The following MYEF2 variants were observed in gnomAD, a reference collection of about 807,000 sequenced individuals.
MYEF2 encodes the protein myelin expression factor 2.
In MYEF2, 37 loss-of-function variants were observed where a neutral mutation model predicts 75.2. The ratio of observed to expected loss-of-function variants is 0.49; its 90% CI spans 0.38 to 0.65. MYEF2 has a LOEUF of 0.65. MYEF2 is among the 30% of genes least tolerant of loss of function. MYEF2 has a pLI of 0.00. For missense variants in MYEF2, 634 were observed against 771.4 expected (o/e 0.82, Z 2.11); for synonymous variants, 195 against 241.6 (o/e 0.81, Z 1.79).
intron 9 of MYEF2, 62 bp from the exon 10 acceptor site, chr15:48,153,955 A>C (rs1304997061): frequency 3.5e-6 from 5 of 1,418,568 alleles, no homozygotes; most frequent in Admixed American, 2.1e-5. Flanking sequence ...ATTGGCAATA[A>C]AATTTTTTAA....
rs1349013579 is a variant in MYEF2 at position 48,142,882 on chromosome 15, A to G, written c.*26T>C. On this transcript the variant is annotated 3_prime_UTR_variant, in exon 17 of 17. Coordinates refer to ENST00000324324, the MANE Select transcript of MYEF2 (RefSeq NM_016132.5). Reference sequence around the variant, plus strand: ...CTAGGAGATTCAGCAAAACAGATGTAGGAATGTTCCAACCATGGCTTGAAA... The same window carrying G: ...CTAGGAGATTCAGCAAAACAGATGTGGGAATGTTCCAACCATGGCTTGAAA... 53 of 1,574,082 alleles carry G rather than the reference A, an allele frequency of 3.4e-5. No individual in the cohort carries two copies. The highest frequency in any genetic ancestry group is 4.5e-5 in the Non-Finnish European group (52 of 1,163,040).
At chr15:48,152,663 T>C (rs1021455809) in intron 10 of MYEF2, 1 of 189,042 alleles carries the variant, frequency 5.3e-6, no homozygotes, top group Non-Finnish European at 1.1e-5. Context: ...GATTTAGAGA[T>C]CAGGCCAGAA....
At chr15:48,146,604 C>G (rs1234390296) in intron 16 of MYEF2, among the ~76,000 whole-genome samples, 2 of 151,802 alleles carry the variant, frequency 1.3e-5, no homozygotes, top group Non-Finnish European at 2.9e-5. Flanking sequence ...GAGGGGGTTG[C>G]CAGTGGCACC....
At position 48,178,147 on chromosome 15, in the gene MYEF2, G is replaced by C; in HGVS notation, c.91C>G (p.Arg31Gly). 1 of 1,569,832 alleles carries C rather than the reference G, an allele frequency of 6.4e-7. No individual in the cohort carries two copies. Among genetic ancestry groups the C allele is most frequent in the Non-Finnish European group, 8.6e-7 (1 of 1,158,770 alleles). ...QPAEPPGEPR[R>G]EPHPAEAEKQ... ...TCCGCCTCCGCGGGGTGCGGCTCTC[G>C]CCGCGGCTCGCCCGGCGGCTCTGCG... The change falls in exon 1 of 17, where the codon CGA becomes GGA. Residue 31 changes from arginine to glycine, a missense_variant. Transcript: ENST00000324324.
chr15:48,169,009 G>A (rs1244293267), intron 1 of MYEF2, among the ~76,000 whole-genome samples, 170 bp from the exon 2 acceptor site: 2 of 152,156 alleles, frequency 1.3e-5, no homozygotes, highest in Admixed American at 6.5e-5. Flanking sequence ...ATTACCCAAT[G>A]CTATTTCAAA....
chr15:48,149,992 G>A lies in MYEF2; in HGVS notation c.1379-621C>T, dbSNP rs2039432349. ...CTCAATATTACACGGAACTTGTCAAGGGAACAAAAAATGCTATCACTTCCC... is the reference window on the plus strand; with the variant it reads ...CTCAATATTACACGGAACTTGTCAAAGGAACAAAAAATGCTATCACTTCCC... On this transcript the variant is annotated intron_variant, in intron 14 of 16. Transcript: ENST00000324324. The surrounding 1 kb of genome is among the most constrained non-coding windows in gnomAD (Gnocchi z 4.0). 6.6e-6 allele frequency: 1 copy of A among 151,978 alleles called. No individual in the cohort carries two copies. The highest frequency in any genetic ancestry group is 1.5e-5 in the Non-Finnish European group (1 of 67,982). 9.4% of individuals were successfully genotyped at this position (151,978 alleles called of 1,614,324 possible).
intron 10 of MYEF2, chr15:48,153,098 C>G (rs543663323): frequency 3.9e-5 from 6 of 152,084 alleles, no homozygotes; most frequent in African/African-American, 1.4e-4. Flanking sequence ...CAATATTAAG[C>G]CAAACATTAA....
Position 48,135,094 on chromosome 15 carries a change from A to G in MYEF2, c.*7814T>C. ...TTCAGTCACTTAATCTGCCACTTCT[A>G]TACCATATTCCAACAGGTCTGTGAG... On this transcript the variant is annotated 3_prime_UTR_variant, in exon 17 of 17. Coordinates refer to ENST00000324324, the MANE Select transcript of MYEF2 (RefSeq NM_016132.5). 1 of 753,442 alleles carries G rather than the reference A, an allele frequency of 1.3e-6. No homozygotes were observed. The highest frequency in any genetic ancestry group is 2.2e-6 in the Non-Finnish European group (1 of 447,848). 46.7% of individuals were successfully genotyped at this position (753,442 alleles called of 1,614,324 possible).
In MYEF2 at chr15:48,151,468, C is replaced by T. The variant is rs1234479416; in HGVS notation, c.1306+5G>A. On this transcript the variant is annotated splice_donor_5th_base_variant and intron_variant, in intron 13 of 16. Transcript: ENST00000324324. ...AGAAAAGGAGAAGTATGCAGCCAGC[C>T]CTACCAAGTCTACCAAAGGAATCTC... 6.2e-6 allele frequency: 10 copies of T among 1,609,974 alleles called. No individual in the cohort carries two copies. Among genetic ancestry groups the T allele is most frequent in the Non-Finnish European group, 8.5e-6 (10 of 1,176,654 alleles).
At chr15:48,176,446 T>C (rs1466474804) in intron 1 of MYEF2, among the ~76,000 whole-genome samples, 1 of 152,186 alleles carries the variant, frequency 6.6e-6, no homozygotes, top group East Asian at 1.9e-4. Context: ...CTTCACCTTA[T>C]ATTTTTCTCT....
At chr15:48,151,794 T>C (rs2039501201) in intron 12 of MYEF2, 80 bp downstream of exon 12, 2 of 1,507,712 alleles carry the variant, frequency 1.3e-6, no homozygotes, top group Admixed American at 3.4e-5. Context: ...TTAGCACACA[T>C]TCCTAAGTTA....
rs2038965352 is a variant in MYEF2 at position 48,138,772 on chromosome 15, C to T, written c.*4136G>A. The T allele has an allele frequency of 5.5e-6, 3 of 548,770 alleles. No individual in the cohort carries two copies. The highest frequency in any genetic ancestry group is 9.8e-6 in the Non-Finnish European group (3 of 305,938). 34.0% of individuals were successfully genotyped at this position (548,770 alleles called of 1,614,324 possible). On this transcript the variant is annotated 3_prime_UTR_variant, in exon 17 of 17. Transcript: ENST00000324324. ...CCAAATAAAGAAATGCGGAGTATCACATCTTACATTGTCTGCCCTAAAGTT... is the reference window on the plus strand; with the variant it reads ...CCAAATAAAGAAATGCGGAGTATCATATCTTACATTGTCTGCCCTAAAGTT...
Position 48,142,296 on chromosome 15 carries a change from T to G in MYEF2, c.*612A>C. 1 of 1,612,628 alleles carries G rather than the reference T, an allele frequency of 6.2e-7. No individual in the cohort carries two copies. Among genetic ancestry groups the G allele is most frequent in the South Asian group, 1.1e-5 (1 of 90,902 alleles). On this transcript the variant is annotated 3_prime_UTR_variant, in exon 17 of 17. Transcript: ENST00000324324. ...TACTTGGGGCTTGCTACATTATCAG[T>G]TCTATATGAACTTGGAATTATTGGA...
chr15:48,135,445 T>A lies in MYEF2; in HGVS notation c.*7463A>T, dbSNP rs1190783813. 1 of 152,816 alleles carries A rather than the reference T, an allele frequency of 6.5e-6. No individual in the cohort carries two copies. Among genetic ancestry groups the A allele is most frequent in the African/African-American group, 2.4e-5 (1 of 41,442 alleles). 9.5% of individuals were successfully genotyped at this position (152,816 alleles called of 1,614,324 possible). On this transcript the variant is annotated 3_prime_UTR_variant, in exon 17 of 17. Coordinates refer to ENST00000324324, the MANE Select transcript of MYEF2 (RefSeq NM_016132.5). ...TCTGATGCTCATTCAGGAGAAACTATAGCCTTCCTCTAAGAAATAACAATG... is the reference window on the plus strand; with the variant it reads ...TCTGATGCTCATTCAGGAGAAACTAAAGCCTTCCTCTAAGAAATAACAATG...
intron 1 of MYEF2, among the ~76,000 whole-genome samples, chr15:48,176,477 C>G (rs2040523680): frequency 6.6e-6 from 1 of 152,132 alleles, no homozygotes; most frequent in African/African-American, 2.4e-5. Flanking sequence ...GAAAAGGATT[C>G]TTTCTCCACC....
chr15:48,177,589 CA>C (rs1024881251), intron 1 of MYEF2, among the ~76,000 whole-genome samples: 2 of 151,732 alleles, frequency 1.3e-5, no homozygotes, highest in African/African-American at 4.8e-5. Flanking sequence ...TAGAAAACAA[CA>C]AAACACTAAA....
At chr15:48,171,508 TC>T (rs2040340174) in intron 1 of MYEF2, among the ~76,000 whole-genome samples, 1 of 7,266 alleles carries the variant, frequency 1.4e-4, no homozygotes, top group Non-Finnish European at 9.4e-3. Context: ...GTAAATTTCT[TC>T]ATTTTTCCCC....
Position 48,158,929 on chromosome 15 carries a change from A to G in MYEF2, c.718-7T>C, listed in dbSNP as rs1469416814. 6.2e-7 allele frequency: 1 copy of G among 1,611,592 alleles called. No homozygotes were observed. Among genetic ancestry groups the G allele is most frequent in the Non-Finnish European group, 8.5e-7 (1 of 1,178,576 alleles). ...AACCAACTTTGAAGTCAAGCTTAAT[A>G]TAAAATTGTATAAAGTTACATACCT... is the stretch of plus-strand genomic sequence containing the variant. On this transcript the variant is annotated splice_region_variant and splice_polypyrimidine_tract_variant and intron_variant, in intron 6 of 16. Coordinates refer to ENST00000324324, the MANE Select transcript of MYEF2 (RefSeq NM_016132.5).
rs1174559385 is a variant in MYEF2 at position 48,141,315 on chromosome 15, G to A, written c.*1593C>T. 36 of 945,240 alleles carry A rather than the reference G, an allele frequency of 3.8e-5. No homozygotes were observed. In the South Asian group the frequency reaches 4.8e-4, roughly 13 times the overall value. The allele number at this position is 945,240 out of a possible 1,614,324, so 58.6% of individuals were successfully genotyped here. ...TACTTCCAGCCGGGTGTGGTGGCTC[G>A]CGCCTGTAATCCCAGGATTTTGGGA... On this transcript the variant is annotated 3_prime_UTR_variant, in exon 17 of 17. Transcript: ENST00000324324.
Sources: gnomAD v4.1 joint callset for allele counts (sites outside exome capture counted in the v4.1 genomes callset) on GRCh38, gnomAD v4.1.1 for gene constraint, Gnocchi (gnomAD v3.1) non-coding constraint, MANE v1.5 for transcripts, NCBI Gene and HGNC (gene_info 2026-07-23, HGNC 2026-07-21) for gene names.